Variants in C1orf185 observed in about 807,000 individuals in gnomAD.
The protein encoded by C1orf185 is chromosome 1 open reading frame 185, also known as uncharacterized protein C1orf185.
A neutral mutation model predicts 16.1 loss-of-function variants in C1orf185; 13 were observed. The observed-to-expected ratio is 0.81, with a 90% CI of 0.53 to 1.28. The LOEUF is 1.28. C1orf185 is among the 50% of genes most tolerant of loss of function. The probability of loss-of-function intolerance (pLI) is 0.00; values close to 1 mark genes in which losing one functional copy is unlikely to be tolerated. For synonymous variants in C1orf185, 80 were observed against 76.9 expected, an observed-to-expected ratio of 1.04 and a Z score of -0.21; for missense variants, 220 against 225.2, an observed-to-expected ratio of 0.98 and a Z score of 0.15.
chr1:51,112,558 T>C lies in C1orf185; in HGVS notation c.111T>C (p.Ile37=), dbSNP rs1646129078. The change falls in exon 2 of 5, where the codon ATT becomes ATC. Residue 37 remains isoleucine, a synonymous_variant. Coordinates refer to ENST00000371759, the MANE Select transcript of C1orf185 (RefSeq NM_001136508.2). The stretch of plus-strand genomic sequence containing the variant: ...TGGCATCAGCTTTGTGGTTCCTGAT[T>C]TGCAAACGAAGGTAAGGATTATTCG... The part of the protein sequence containing the change: ...FALASALWFL[I]CKRREIFQNS... 6.5e-7 allele frequency: 1 copy of C among 1,548,398 alleles called. No homozygotes were observed. Among genetic ancestry groups the C allele is most frequent in the Non-Finnish European group, 8.7e-7 (1 of 1,145,656 alleles).
intron 1 of C1orf185, among the ~76,000 whole-genome samples, chr1:51,103,348 A>G (rs910647632): frequency 6.7e-6 from 1 of 149,996 alleles, no homozygotes; most frequent in African/African-American, 2.4e-5. Flanking sequence ...TGAGACTACA[A>G]TGAGCTATGA....
In C1orf185 at chr1:51,118,106, G is replaced by A. The variant is rs139833965; in HGVS notation, c.123-560G>A. The stretch of plus-strand genomic sequence containing the variant: ...TTTTTTTGTATGTGTTTTTAGTAGA[G>A]ACAGGGTTTCACCATGTTGGCCAAG... On this transcript the variant is annotated intron_variant, in intron 2 of 4. Transcript: ENST00000371759. Among the ~76,000 whole-genome samples, 1,027 of 152,280 alleles carry A rather than the reference G, an allele frequency of 6.7e-3. 4 individuals carry two copies. Among genetic ancestry groups the A allele is most frequent in the Middle Eastern group, 0.014 (4 of 294 alleles).
At chr1:51,128,442 C>T (rs1207388760) in intron 3 of C1orf185, among the ~76,000 whole-genome samples, 3 of 152,044 alleles carry the variant, frequency 2.0e-5, no homozygotes, top group South Asian at 4.1e-4. Flanking sequence ...CTGTAATCCC[C>T]GCACTTTGGG....
At chr1:51,112,414 G>A (rs954931058) in intron 1 of C1orf185, 50 bp from the exon 2 acceptor site, 1 of 1,403,230 alleles carries the variant, frequency 7.1e-7, no homozygotes, top group South Asian at 1.3e-5. Flanking sequence ...GTTTTACCTA[G>A]AGAATAAAAA....
At position 51,112,532 on chromosome 1, in the gene C1orf185, T is replaced by C. The variant is rs1206617471; in HGVS notation, c.85T>C (p.Leu29=). The C allele has an allele frequency of 6.4e-7, 1 of 1,551,232 alleles. No homozygotes were observed. The change falls in exon 2 of 5, where the codon TTG becomes CTG. Residue 29 remains leucine (L), a synonymous_variant. Transcript: ENST00000371759. ...CACTTTGGGAATTGGTTTCTTTGCT[T>C]TGGCATCAGCTTTGTGGTTCCTGAT... ...AVTLGIGFFA[L]ASALWFLICK...
chr1:51,120,695 C>T (rs956347565), intron 3 of C1orf185, among the ~76,000 whole-genome samples: 3 of 152,156 alleles, frequency 2.0e-5, no homozygotes, highest in Admixed American at 6.5e-5. Context: ...AGGCATTTTG[C>T]TAGGTACTAA....
chr1:51,145,976 AT>A (rs1247226019), intron 4 of C1orf185, among the ~76,000 whole-genome samples: 1 of 152,180 alleles, frequency 6.6e-6, no homozygotes, highest in Non-Finnish European at 1.5e-5. Flanking sequence ...TGAAGTTTTA[AT>A]TTTTATCTCT....
chr1:51,148,975 C>T (rs964592132), downstream of C1orf185, among the ~76,000 whole-genome samples: 1 of 152,084 alleles, frequency 6.6e-6, no homozygotes, highest in Non-Finnish European at 1.5e-5. Flanking sequence ...TTTCCTATCT[C>T]TATTTCTCAG....
chr1:51,130,939 G>T (rs535002624), intron 3 of C1orf185, among the ~76,000 whole-genome samples: 1 of 152,232 alleles, frequency 6.6e-6, no homozygotes, highest in African/African-American at 2.4e-5. Context: ...TTTCACTCTT[G>T]TCGCCCAGGC....
chr1:51,116,976 A>T (rs1646162543), intron 2 of C1orf185, among the ~76,000 whole-genome samples: 1 of 152,080 alleles, frequency 6.6e-6, no homozygotes, highest in African/African-American at 2.4e-5. Flanking sequence ...CATCCACAAT[A>T]CCAGGTAGCT....
intron 1 of C1orf185, among the ~76,000 whole-genome samples, chr1:51,108,534 C>T (rs1447630096): frequency 1.3e-5 from 2 of 152,152 alleles, no homozygotes; most frequent in Non-Finnish European, 2.9e-5. Flanking sequence ...CATATTCCTT[C>T]TAACTGTATG....
At chr1:51,148,861 A>C (rs1386870529), downstream of C1orf185, among the ~76,000 whole-genome samples, 2 of 152,230 alleles carry the variant, frequency 1.3e-5, no homozygotes, top group Admixed American at 6.5e-5. Context: ...CTGAAGGTTG[A>C]GGCTGCAATG....
intron 3 of C1orf185, among the ~76,000 whole-genome samples, chr1:51,137,657 G>C (rs572786652): frequency 6.6e-6 from 1 of 152,132 alleles, no homozygotes; most frequent in Non-Finnish European, 1.5e-5. Context: ...TTCCTCAAAG[G>C]CTTAAAAACA....
At chr1:51,150,305 G>C (rs1646424591), downstream of C1orf185, among the ~76,000 whole-genome samples, 1 of 151,212 alleles carries the variant, frequency 6.6e-6, no homozygotes, top group South Asian at 2.1e-4. Flanking sequence ...GATATCTCCT[G>C]CCTCCGCCTC....
At chr1:51,109,186 T>C (rs1419678413) in intron 1 of C1orf185, among the ~76,000 whole-genome samples, 1 of 152,050 alleles carries the variant, frequency 6.6e-6, no homozygotes, top group African/African-American at 2.4e-5. Context: ...TGCTGAACAT[T>C]TTTTCATATA....
intron 3 of C1orf185, among the ~76,000 whole-genome samples, chr1:51,129,439 G>A (rs1263645732): frequency 1.3e-5 from 2 of 151,910 alleles, no homozygotes; most frequent in Non-Finnish European, 2.9e-5. Context: ...GTGGTCTTTT[G>A]ACATTGGCTT....
intron 2 of C1orf185, among the ~76,000 whole-genome samples, chr1:51,115,227 A>G (rs561104861): frequency 6.6e-6 from 1 of 151,874 alleles, no homozygotes; most frequent in Non-Finnish European, 1.5e-5. Context: ...AATCCCAGCT[A>G]CTCGGGAGGC....
At chr1:51,116,753 T>G (rs1398632116) in intron 2 of C1orf185, among the ~76,000 whole-genome samples, 1 of 152,182 alleles carries the variant, frequency 6.6e-6, no homozygotes, top group Admixed American at 6.6e-5. Context: ...TCCCTCCTGC[T>G]TTCTGTGTTT....
In C1orf185 at chr1:51,147,450, T is replaced by G; in HGVS notation, c.296-17T>G. ...GCTTGTGAATATATAATATTCATAG[T>G]AAATCTGTTTTTACAGCAATTAAAG... is the stretch of plus-strand genomic sequence containing the variant. On this transcript the variant is annotated splice_polypyrimidine_tract_variant and intron_variant, in intron 4 of 4. Coordinates refer to ENST00000371759, the MANE Select transcript of C1orf185 (RefSeq NM_001136508.2). 6.7e-7 allele frequency: 1 copy of G among 1,492,570 alleles called. No individual in the cohort carries two copies. The highest frequency in any genetic ancestry group is 8.9e-7 in the Non-Finnish European group (1 of 1,118,302). The allele number at this position is 1,492,570 out of a possible 1,614,324, so 92.5% of individuals were successfully genotyped here. A position where few individuals can be genotyped will look rare whatever the true frequency, so the allele number is the denominator to read the frequency against.
Sources: allele counts gnomAD v4.1 joint callset (sites outside exome capture counted in the v4.1 genomes callset), GRCh38; gene constraint gnomAD v4.1.1; transcripts MANE v1.5; gene names NCBI Gene and HGNC (gene_info 2026-07-23, HGNC 2026-07-21).